The following GGNBP2 variants were observed in gnomAD, a reference collection of about 807,000 sequenced individuals.
GGNBP2 encodes gametogenetin-binding protein 2.
A neutral mutation model predicts 85.9 loss-of-function variants in GGNBP2; 10 were observed. The ratio of observed to expected loss-of-function variants is 0.12; its 90% CI spans 0.07 to 0.20. The LOEUF is 0.20. GGNBP2 is among the 10% of genes least tolerant of loss of function. The probability of loss-of-function intolerance (pLI) is 1.00; values close to 1 mark genes in which losing one functional copy is unlikely to be tolerated. For synonymous variants in GGNBP2, 287 were observed against 285.7 expected (o/e 1.00, Z -0.05); for missense variants, 595 against 857.8 (o/e 0.69, Z 3.83).
chr17:36,583,237 A>G (rs1284655873), intron 9 of GGNBP2, among the ~76,000 whole-genome samples: 1 of 151,244 alleles, frequency 6.6e-6, no homozygotes, highest in East Asian at 2.0e-4. Context: ...TATTTTTAGT[A>G]GAGACAGGGT....
intron 5 of GGNBP2, among the ~76,000 whole-genome samples, chr17:36,563,481 T>C (rs2142727689): frequency 6.6e-6 from 1 of 152,062 alleles, no homozygotes; most frequent in African/African-American, 2.4e-5. Flanking sequence ...TCCACATGCA[T>C]CTCTAAATAT....
intron 4 of GGNBP2, among the ~76,000 whole-genome samples, chr17:36,560,103 G>A (rs1203605390): frequency 1.3e-5 from 2 of 152,030 alleles, no homozygotes; most frequent in African/African-American, 4.8e-5. Context: ...TTACAGGTGT[G>A]AGCCACCATG....
chr17:36,580,487 C>A (rs1213315081), intron 8 of GGNBP2, among the ~76,000 whole-genome samples: 1 of 150,408 alleles, frequency 6.6e-6, no homozygotes, highest in Non-Finnish European at 1.5e-5. Context: ...GCTGGGATTA[C>A]AGGCATGAGC....
chr17:36,586,625 C>T (rs1405606117), intron 12 of GGNBP2: 1 of 251,398 alleles, frequency 4.0e-6, no homozygotes. Context: ...AATACTATGT[C>T]AGGATTTTTT....
At chr17:36,575,643 TA>T (rs1165684422) in intron 6 of GGNBP2, among the ~76,000 whole-genome samples, 241 of 55,988 alleles carry the variant, frequency 4.3e-3, no homozygotes, top group Middle Eastern at 9.6e-3. Context: ...TATATATATA[TA>T]TATATTTTTT....
chr17:36,575,648 A>ATATATATATATTTT (rs374366757), intron 6 of GGNBP2, among the ~76,000 whole-genome samples: 3 of 54,914 alleles, frequency 5.5e-5, no homozygotes, highest in East Asian at 6.3e-4. Flanking sequence ...ATATATATAT[A>ATATATATATATTTT]TTTTTTTTTT....
chr17:36,581,700 G>T, intron 9 of GGNBP2, 162 bp downstream of exon 9: 1 of 420,712 alleles, frequency 2.4e-6, no homozygotes. Flanking sequence ...GGGCAAGATA[G>T]TGAGATCTCT....
chr17:36,572,819 C>A (rs192714894), intron 6 of GGNBP2, among the ~76,000 whole-genome samples: 1 of 152,144 alleles, frequency 6.6e-6, no homozygotes, highest in Non-Finnish European at 1.5e-5. Context: ...TGAAACTATA[C>A]GCATTGAACA....
intron 12 of GGNBP2, chr17:36,586,531 A>T: frequency 3.0e-6 from 1 of 329,386 alleles, no homozygotes; most frequent in South Asian, 3.8e-5. Flanking sequence ...CAGGTGTGGC[A>T]TAGTGTCTAG....
In GGNBP2 at chr17:36,567,731, C is replaced by T. The variant is rs752364975; in HGVS notation, c.596C>T (p.Ser199Leu). The T allele has an allele frequency of 1.9e-5, 31 of 1,608,502 alleles. No individual in the cohort carries two copies. The highest frequency in any genetic ancestry group is 2.7e-5 in the African/African-American group (2 of 74,770). ...ECRDEVVLID[S>L]SCLLETLETY... ...AGGGATGAAGTAGTTTTAATTGACT[C>T]GAGTTGTCTTTTAGAAACACTAGAA... Residue 199 changes from serine (S) to leucine (L), a missense_variant, in exon 6 of 14, where the codon TCG becomes TTG. By Grantham distance (145) the Ser-to-Leu change is moderately radical. This residue lies in a region of GGNBP2 where 216 missense variants were observed against 293.4 expected (regional missense o/e 0.74). Transcript: ENST00000613102.
chr17:36,588,784 T>C (rs17692864), intron 13 of GGNBP2, among the ~76,000 whole-genome samples: 5,579 of 152,206 alleles, frequency 0.037, 125 homozygotes, highest in Non-Finnish European at 0.058. Flanking sequence ...TTAAAAGTTT[T>C]AATGGTTGTA....
rs1211999759 is a variant in GGNBP2 at position 36,586,060 on chromosome 17, T to C, written c.1503T>C (p.Ser501=). ...ICNHDEHGDD[S]CVHHCEDKED... ...TATTGATTTCTGCAGGTGATGACTC[T>C]TGTGTTCATCACTGTGAAGACAAAG... Residue 501 remains serine (S), a synonymous_variant, in exon 12 of 14, where the codon TCT becomes TCC. Coordinates refer to ENST00000613102, the MANE Select transcript of GGNBP2 (RefSeq NM_024835.5). The C allele has an allele frequency of 4.3e-6, 7 of 1,613,696 alleles. No individual in the cohort carries two copies. The East Asian group carries it at 1.3e-4, about 31-fold the overall frequency.
At chr17:36,581,153 C>T (rs1353667393) in intron 8 of GGNBP2, among the ~76,000 whole-genome samples, 191 bp from the exon 9 acceptor site, 14 of 152,004 alleles carry the variant, frequency 9.2e-5, no homozygotes, top group African/African-American at 2.7e-4. Context: ...GGCGTGGTGG[C>T]GGGCACCTGT....
At position 36,554,911 on chromosome 17, in the gene GGNBP2, T is replaced by C. The variant is rs763575027; in HGVS notation, c.174+11T>C. On this transcript the variant is annotated intron_variant, in intron 3 of 13. Coordinates refer to ENST00000613102, the MANE Select transcript of GGNBP2 (RefSeq NM_024835.5). Reference sequence around the variant, plus strand: ...AAGCAGTTCATTCAGGTAATAGTTTTTTCAATCAGTGTTTTTAATGGTGTA... The same window carrying C: ...AAGCAGTTCATTCAGGTAATAGTTTCTTCAATCAGTGTTTTTAATGGTGTA... 4.6e-6 allele frequency: 7 copies of C among 1,509,742 alleles called. No individual in the cohort carries two copies. Among genetic ancestry groups the C allele is most frequent in the Admixed American group, 1.7e-5 (1 of 59,778 alleles). 93.5% of individuals were successfully genotyped at this position (1,509,742 alleles called of 1,614,324 possible). A position where few individuals can be genotyped will look rare whatever the true frequency, so the allele number is the denominator to read the frequency against.
intron 5 of GGNBP2, among the ~76,000 whole-genome samples, chr17:36,567,028 C>G (rs1395694628): frequency 6.6e-6 from 1 of 151,876 alleles, no homozygotes; most frequent in Non-Finnish European, 1.5e-5. Flanking sequence ...AAAAAAATTA[C>G]TTGATGATGA....
Position 36,585,459 on chromosome 17 carries a change from A to G in GGNBP2, c.1366+9A>G. Reference sequence around the variant, plus strand: ...CCCTAAAATAAAGAAAGGTAAGTAAATAATTTCTTTTTAAAATGAACTCTT... The same window carrying G: ...CCCTAAAATAAAGAAAGGTAAGTAAGTAATTTCTTTTTAAAATGAACTCTT... On this transcript the variant is annotated intron_variant, in intron 10 of 13. Transcript: ENST00000613102. 6.4e-7 allele frequency: 1 copy of G among 1,566,116 alleles called. No individual in the cohort carries two copies. Among genetic ancestry groups the G allele is most frequent in the Non-Finnish European group, 8.7e-7 (1 of 1,149,872 alleles).
intron 5 of GGNBP2, among the ~76,000 whole-genome samples, chr17:36,563,646 C>T (rs2074441317): frequency 6.6e-6 from 1 of 150,430 alleles, no homozygotes; most frequent in African/African-American, 2.4e-5. Flanking sequence ...ACAAGAACCA[C>T]ACATTATGTT....
intron 6 of GGNBP2, among the ~76,000 whole-genome samples, chr17:36,568,707 T>C (rs2074492767): frequency 6.6e-6 from 1 of 152,174 alleles, no homozygotes; most frequent in Non-Finnish European, 1.5e-5. Context: ...TTTGTTACTA[T>C]AAAAGTAACT....
chr17:36,560,057 C>T (rs757698768), intron 4 of GGNBP2, among the ~76,000 whole-genome samples: 23 of 152,026 alleles, frequency 1.5e-4, no homozygotes, highest in Admixed American at 9.8e-4. Flanking sequence ...AGGCTGGTCT[C>T]TTAACTCCTG....
Sources: gnomAD v4.1 joint callset for allele counts (sites outside exome capture counted in the v4.1 genomes callset) on GRCh38, gnomAD v4.1.1 for gene constraint, gnomAD v4.1.1 regional missense constraint, MANE v1.5 for transcripts, NCBI Gene and HGNC (gene_info 2026-07-23, HGNC 2026-07-21) for gene names.